The following PLPPR1 variants were observed in gnomAD, a reference collection of about 807,000 sequenced individuals.
The protein encoded by PLPPR1 is phospholipid phosphatase related 1, also known as phospholipid phosphatase-related protein type 1.
PLPPR1 carries 10 observed loss-of-function variants against 33.1 expected under a neutral mutation model. The observed-to-expected ratio is 0.30, with a 90% CI of 0.19 to 0.51. The LOEUF (loss-of-function observed/expected upper bound fraction) is 0.51, where lower values mean the gene tolerates loss of function less well. Ranked by LOEUF, PLPPR1 falls within the 20% of genes least tolerant of loss-of-function variation. The pLI, the probability that PLPPR1 is intolerant of heterozygous loss-of-function variation, is 0.97. For missense variants in PLPPR1, 304 were observed against 408.1 expected, an observed-to-expected ratio of 0.74 and a Z score of 2.20; for synonymous variants, 151 against 151.0, an observed-to-expected ratio of 1.00 and a Z score of 0.00.
intron 1 of PLPPR1, among the ~76,000 whole-genome samples, chr9:101,077,645 A>G (rs1310843605): frequency 5.9e-5 from 9 of 152,022 alleles, no homozygotes; most frequent in Admixed American, 5.2e-4. Flanking sequence ...AGGGAGTGAA[A>G]CTGCAGTGCA....
chr9:101,270,376 C>T (rs1241640880), intron 3 of PLPPR1, among the ~76,000 whole-genome samples: 1 of 152,136 alleles, frequency 6.6e-6, no homozygotes, highest in Non-Finnish European at 1.5e-5. Flanking sequence ...CTATTGTCCT[C>T]TTGAAAAAAT....
chr9:101,103,214 C>A (rs1015517969), intron 1 of PLPPR1, among the ~76,000 whole-genome samples: 4 of 131,658 alleles, frequency 3.0e-5, no homozygotes, highest in South Asian at 2.7e-4. Context: ...GACATGAAGT[C>A]CTTGCCTACG....
At chr9:101,138,928 G>A (rs915375472) in intron 1 of PLPPR1, among the ~76,000 whole-genome samples, 2 of 152,084 alleles carry the variant, frequency 1.3e-5, no homozygotes, top group East Asian at 3.9e-4. Flanking sequence ...GACCACTTCT[G>A]TGTGCCTATC....
chr9:101,322,520 G>A (rs1466351357), intron 7 of PLPPR1: 5 of 152,096 alleles, frequency 3.3e-5, no homozygotes, highest in Non-Finnish European at 5.9e-5. Context: ...TGGCAGCCAA[G>A]ATTGAATAGA....
At chr9:101,249,786 T>C (rs1033750040) in intron 2 of PLPPR1, among the ~76,000 whole-genome samples, 4 of 152,076 alleles carry the variant, frequency 2.6e-5, no homozygotes, top group Non-Finnish European at 5.9e-5. Flanking sequence ...ACAACTGGTC[T>C]TCGCTCTGGA....
At chr9:101,317,099 A>C (rs1829068532) in intron 6 of PLPPR1, among the ~76,000 whole-genome samples, 1 of 152,194 alleles carries the variant, frequency 6.6e-6, no homozygotes, top group South Asian at 2.1e-4. Flanking sequence ...CATGTCTTTA[A>C]TCATTACAAA....
At chr9:101,204,842 A>G (rs1227828076) in intron 2 of PLPPR1, among the ~76,000 whole-genome samples, 1 of 152,182 alleles carries the variant, frequency 6.6e-6, no homozygotes, top group Non-Finnish European at 1.5e-5. Context: ...ACCACAAATT[A>G]AAGTGAGTAA....
chr9:101,294,843 T>C (rs559944752), intron 4 of PLPPR1, among the ~76,000 whole-genome samples: 1 of 152,166 alleles, frequency 6.6e-6, no homozygotes, highest in Admixed American at 6.5e-5. Flanking sequence ...ACAGCCAATA[T>C]CATACTGAAT....
chr9:101,144,439 G>T (rs1831497397), intron 1 of PLPPR1, among the ~76,000 whole-genome samples: 2 of 152,006 alleles, frequency 1.3e-5, no homozygotes, highest in Admixed American at 1.3e-4. Context: ...AGTTAAATGG[G>T]GTCATTGGAG....
chr9:101,050,124 GAAA>G (rs35688096), intron 1 of PLPPR1, among the ~76,000 whole-genome samples: 2 of 35,190 alleles, frequency 5.7e-5, no homozygotes, highest in South Asian at 1.0e-3. Flanking sequence ...CTCCAACTCA[GAAA>G]AAAAAAAAAA....
chr9:101,238,427 A>G (rs1323361828), intron 2 of PLPPR1, among the ~76,000 whole-genome samples: 1 of 149,218 alleles, frequency 6.7e-6, no homozygotes, highest in Non-Finnish European at 1.5e-5. Flanking sequence ...ATATATATGC[A>G]CACAATGGAA....
At chr9:101,087,910 T>C (rs1165696416) in intron 1 of PLPPR1, among the ~76,000 whole-genome samples, 1 of 152,180 alleles carries the variant, frequency 6.6e-6, no homozygotes, top group African/African-American at 2.4e-5. Context: ...TAATCTGAAA[T>C]TTGACTCATT....
intron 3 of PLPPR1, among the ~76,000 whole-genome samples, chr9:101,284,725 A>G (rs939996954): frequency 2.0e-5 from 3 of 152,176 alleles, no homozygotes; most frequent in Non-Finnish European, 4.4e-5. Context: ...TCTGTTATCC[A>G]TGTGCCTTTC....
rs572436368 is a variant in PLPPR1, at chr9:101,236,955, T to C, written c.64-32925T>C. 3.4e-4 allele frequency among the ~76,000 whole-genome samples: 52 copies of C among 151,740 alleles called. 1 individual carries two copies. The South Asian group carries it at 1.0e-2, about 29-fold the overall frequency. On this transcript the variant is annotated intron_variant, in intron 2 of 7. Coordinates refer to ENST00000374874, the MANE Select transcript of PLPPR1 (RefSeq NM_207299.2). ...CTATATATCTGACAAAGTGTTAATA[T>C]CCAGAATCTACAAGAAACTCAAGAA...
At chr9:101,136,858 G>A (rs1831383971) in intron 1 of PLPPR1, among the ~76,000 whole-genome samples, 1 of 152,064 alleles carries the variant, frequency 6.6e-6, no homozygotes, top group Non-Finnish European at 1.5e-5. Flanking sequence ...TGGTTAATGG[G>A]TCTAAAAATA....
intron 2 of PLPPR1, among the ~76,000 whole-genome samples, chr9:101,243,171 G>A (rs879823722): frequency 3.3e-5 from 5 of 151,994 alleles, no homozygotes; most frequent in African/African-American, 7.2e-5. Flanking sequence ...ATTTGCAGGC[G>A]ACAGCTATGA....
chr9:101,182,931 A>G (rs1826140071), intron 1 of PLPPR1, among the ~76,000 whole-genome samples: 1 of 151,788 alleles, frequency 6.6e-6, no homozygotes, highest in Non-Finnish European at 1.5e-5. Context: ...GAAAATTAAA[A>G]CCACAATGAG....
rs771615246 is a variant in PLPPR1 at position 101,198,779 on chromosome 9, G to C, written c.63+13222G>C. Among the ~76,000 whole-genome samples, 14 of 152,312 alleles carry C rather than the reference G, an allele frequency of 9.2e-5. No homozygotes were observed. In the Middle Eastern group the frequency reaches 0.01, roughly 111 times the overall value. On this transcript the variant is annotated intron_variant, in intron 2 of 7. Coordinates refer to ENST00000374874, the MANE Select transcript of PLPPR1 (RefSeq NM_207299.2). ...TCAGAAGGAAAGGATAGTGTGGCAT[G>C]GACCAAGACCTATAAAGGTACTGAG...
chr9:101,312,854 G>A lies in PLPPR1; in HGVS notation c.693G>A (p.Leu231=), dbSNP rs144819698. 8 of 1,614,012 alleles carry A rather than the reference G, an allele frequency of 5.0e-6. No homozygotes were observed. In the African/African-American group the frequency reaches 1.1e-4, roughly 22 times the overall value. Residue 231 remains leucine, a synonymous_variant, in exon 6 of 8, where the codon CTG becomes CTA. Coordinates refer to ENST00000374874, the MANE Select transcript of PLPPR1 (RefSeq NM_207299.2). ...TKSSRLAKPV[L]CLGTLCTAFL... ...GCAGTCGACTGGCCAAGCCGGTGCT[G>A]TGCCTCGGAACTCTCTGCACAGCCT...
Sources: allele counts gnomAD v4.1 joint callset (sites outside exome capture counted in the v4.1 genomes callset), GRCh38; gene constraint gnomAD v4.1.1; transcripts MANE v1.5; gene names NCBI Gene and HGNC (gene_info 2026-07-23, HGNC 2026-07-21).